The following AATF variants were observed in gnomAD, a reference collection of about 807,000 sequenced individuals.
AATF encodes the protein protein AATF.
Under a neutral mutation model 63.7 loss-of-function variants are expected in AATF, and 48 were observed. The observed-to-expected ratio is 0.75, with a 90% CI of 0.60 to 0.96. The LOEUF (loss-of-function observed/expected upper bound fraction) is 0.96, where lower values mean the gene tolerates loss of function less well. Among genes scored for constraint, AATF ranks in the 40% least tolerant of loss-of-function variants. The pLI is 0.00. For synonymous variants in AATF, 258 were observed against 247.7 expected, an observed-to-expected ratio of 1.04 and a Z score of -0.39; for missense variants, 639 against 685.7, an observed-to-expected ratio of 0.93 and a Z score of 0.76.
intron 8 of AATF, among the ~76,000 whole-genome samples, chr17:37,018,646 G>T (rs1042810219): frequency 6.6e-6 from 1 of 151,988 alleles, no homozygotes; most frequent in African/African-American, 2.4e-5. Flanking sequence ...TTTGCCACAC[G>T]GCCCTTCCCA....
intron 11 of AATF, among the ~76,000 whole-genome samples, chr17:37,040,868 T>C (rs1205661945): frequency 6.6e-6 from 1 of 152,236 alleles, no homozygotes; most frequent in African/African-American, 2.4e-5. Context: ...GTTATATCAT[T>C]CTGGTTACAA....
At chr17:36,962,956 AAAAAT>A (rs1567966160) in intron 4 of AATF, among the ~76,000 whole-genome samples, 2 of 152,088 alleles carry the variant, frequency 1.3e-5, no homozygotes, top group East Asian at 3.9e-4. Flanking sequence ...CCTCTCTATT[AAAAAT>A]ACAAAAAATG....
At chr17:37,037,815 T>G (rs2071605316) in intron 11 of AATF, among the ~76,000 whole-genome samples, 1 of 152,208 alleles carries the variant, frequency 6.6e-6, no homozygotes, top group African/African-American at 2.4e-5. Flanking sequence ...GGTGGATTTC[T>G]CATCAGTGGT....
intron 8 of AATF, among the ~76,000 whole-genome samples, chr17:37,004,852 G>C (rs1217427034): frequency 1.3e-5 from 2 of 152,190 alleles, no homozygotes; most frequent in Non-Finnish European, 2.9e-5. Context: ...AGGCCAGTTT[G>C]CAAGATCTGG....
intron 8 of AATF, among the ~76,000 whole-genome samples, chr17:36,996,014 T>C (rs940081557): frequency 6.6e-6 from 1 of 152,262 alleles, no homozygotes; most frequent in Admixed American, 6.5e-5. Flanking sequence ...ATTTTGTTTT[T>C]AGTTTTACTT....
At chr17:37,031,941 A>G (rs1306143161) in intron 11 of AATF, among the ~76,000 whole-genome samples, 2 of 152,172 alleles carry the variant, frequency 1.3e-5, no homozygotes, top group Non-Finnish European at 2.9e-5. Context: ...GCCCTGGGAC[A>G]TGTGAGCTCT....
At chr17:37,008,412 T>G (rs564917062) in intron 8 of AATF, among the ~76,000 whole-genome samples, 9 of 152,310 alleles carry the variant, frequency 5.9e-5, no homozygotes, top group Non-Finnish European at 7.4e-5. Flanking sequence ...GTCAGACTCT[T>G]TGGCAGATAG....
intron 4 of AATF, among the ~76,000 whole-genome samples, chr17:36,963,435 A>G (rs2070964850): frequency 6.6e-6 from 1 of 152,342 alleles, no homozygotes; most frequent in Non-Finnish European, 1.5e-5. Flanking sequence ...ACTTATTGAA[A>G]GATAGCACAA....
At position 36,964,614 on chromosome 17, in the gene AATF, GTTT is replaced by G. The variant is rs1198518391; in HGVS notation, c.832+10711_832+10713del. 2.6e-5 allele frequency among the ~76,000 whole-genome samples: 4 copies of G among 152,320 alleles called. No homozygotes were observed. The South Asian group carries it at 8.3e-4, about 32-fold the overall frequency. On this transcript the variant is annotated intron_variant, in intron 4 of 11. Transcript: ENST00000619387. ...ATTGGAAAATTGTGTTTTCTTCCCT[GTTT>G]TTTCAGTCATGGCTCCTAGGCCACT...
chr17:36,999,090 A>G (rs540238397), intron 8 of AATF: 1 of 152,194 alleles, frequency 6.6e-6, no homozygotes. Context: ...TACAAATTCC[A>G]TATTTTCCAA....
At chr17:36,978,393 C>T (rs2071094919) in intron 4 of AATF, among the ~76,000 whole-genome samples, 1 of 152,142 alleles carries the variant, frequency 6.6e-6, no homozygotes, top group South Asian at 2.1e-4. Context: ...TCCATACACT[C>T]CTGCATAGAT....
chr17:36,973,153 G>C (rs1415316818), intron 4 of AATF, among the ~76,000 whole-genome samples: 1 of 151,938 alleles, frequency 6.6e-6, no homozygotes, highest in African/African-American at 2.4e-5. Context: ...TTGCTTGTGA[G>C]TAACAATTAT....
intron 11 of AATF, among the ~76,000 whole-genome samples, chr17:37,040,681 T>TCCC (rs1555654506): frequency 5.6e-5 from 8 of 143,548 alleles, no homozygotes; most frequent in African/African-American, 8.0e-5. Context: ...AAGGCCCCCA[T>TCCC]CCCCACCCCT....
intron 11 of AATF, among the ~76,000 whole-genome samples, chr17:37,053,256 A>G (rs1414368105): frequency 1.3e-5 from 2 of 152,136 alleles, no homozygotes; most frequent in Non-Finnish European, 2.9e-5. Flanking sequence ...TTACACATGT[A>G]TGAATACTAA....
At chr17:37,014,888 G>C (rs1298759049) in intron 8 of AATF, among the ~76,000 whole-genome samples, 3 of 152,066 alleles carry the variant, frequency 2.0e-5, no homozygotes, top group Admixed American at 6.6e-5. Flanking sequence ...TCTTCTGTTG[G>C]ATTTTTTAAA....
intron 11 of AATF, among the ~76,000 whole-genome samples, chr17:37,050,814 AAAGG>A (rs2071741767): frequency 6.6e-6 from 1 of 152,210 alleles, no homozygotes; most frequent in South Asian, 2.1e-4. Context: ...AGAGGATTAG[AAAGG>A]AAGGAAGGGC....
At chr17:37,003,429 T>C (rs1056666316) in intron 8 of AATF, among the ~76,000 whole-genome samples, 4 of 151,882 alleles carry the variant, frequency 2.6e-5, no homozygotes, top group Admixed American at 2.0e-4. Context: ...AGAATTGATC[T>C]TGGTTTAGCA....
chr17:37,011,411 T>C (rs1264180330), intron 8 of AATF, among the ~76,000 whole-genome samples: 1 of 152,082 alleles, frequency 6.6e-6, no homozygotes, highest in Non-Finnish European at 1.5e-5. Flanking sequence ...ATGAAGATGA[T>C]AGTAGCCTGT....
chr17:37,046,730 AACACACACAC>A lies in AATF; in HGVS notation c.1620-9840_1620-9831del, dbSNP rs58296683. ...TGAGCGATGCATCCTGTGCTCCCCC[AACACACACAC>A]ACACACACACACACACACACACACA... On this transcript the variant is annotated intron_variant, in intron 11 of 11. Transcript: ENST00000619387. 4.6e-4 allele frequency among the ~76,000 whole-genome samples: 65 copies of A among 140,056 alleles called. 1 individual carries two copies. Among genetic ancestry groups the A allele is most frequent in the African/African-American group, 1.3e-3 (50 of 37,168 alleles). The allele number at this position is 140,056 out of a possible 152,430, so 91.9% of individuals were successfully genotyped here.
Sources: allele counts gnomAD v4.1 joint callset (sites outside exome capture counted in the v4.1 genomes callset), GRCh38; gene constraint gnomAD v4.1.1; transcripts MANE v1.5; gene names NCBI Gene and HGNC (gene_info 2026-07-23, HGNC 2026-07-21).